Variants in FOXP2 observed in about 807,000 individuals in gnomAD.
FOXP2 encodes forkhead box P2, also known as forkhead box protein P2.
A neutral mutation model predicts 115.8 loss-of-function variants in FOXP2; 12 were observed. The ratio of observed to expected loss-of-function variants is 0.10; its 90% CI spans 0.07 to 0.17. The LOEUF (loss-of-function observed/expected upper bound fraction) is 0.17, where lower values mean the gene tolerates loss of function less well. Among genes scored for constraint, FOXP2 ranks in the 10% least tolerant of loss-of-function variants. The pLI, the probability that FOXP2 is intolerant of heterozygous loss-of-function variation, is 1.00. For missense variants in FOXP2, 629 were observed against 843.5 expected (o/e 0.75, Z 3.15); for synonymous variants, 328 against 297.7 (o/e 1.10, Z -1.05).
At chr7:114,475,470 T>C (rs1796215411) in intron 2 of FOXP2, among the ~76,000 whole-genome samples, 1 of 152,044 alleles carries the variant, frequency 6.6e-6, no homozygotes, top group Non-Finnish European at 1.5e-5. Flanking sequence ...ATATATGTTA[T>C]ATGGGGCCCC....
chr7:114,663,560 G>A (rs1317129715), intron 15 of FOXP2, 41 bp downstream of exon 15: 3 of 1,437,132 alleles, frequency 2.1e-6, no homozygotes, highest in East Asian at 2.3e-5. Context: ...GAATGTTTAG[G>A]GCTTTTTTTT....
At chr7:114,448,170 A>G (rs987057646) in intron 2 of FOXP2, among the ~76,000 whole-genome samples, 5 of 152,142 alleles carry the variant, frequency 3.3e-5, no homozygotes, top group Non-Finnish European at 7.4e-5. Context: ...TTGTTGTGGC[A>G]TGGTATAAAT....
intron 3 of FOXP2, among the ~76,000 whole-genome samples, chr7:114,554,859 A>G (rs578002755): frequency 6.6e-6 from 1 of 152,182 alleles, no homozygotes; most frequent in South Asian, 2.1e-4. Context: ...TTTTACTACT[A>G]GTTCATCCAC....
At chr7:114,296,257 A>AT (rs900542987) in intron 2 of FOXP2, among the ~76,000 whole-genome samples, 13 of 151,618 alleles carry the variant, frequency 8.6e-5, no homozygotes, top group African/African-American at 2.7e-4. Flanking sequence ...TATTGTGATG[A>AT]TTTTTTTTTC....
intron 1 of FOXP2, among the ~76,000 whole-genome samples, chr7:114,211,163 A>G (rs990889996): frequency 2.6e-5 from 4 of 152,194 alleles, no homozygotes; most frequent in Admixed American, 2.6e-4. Flanking sequence ...CCACAGAACA[A>G]CGCTGCTTGG....
chr7:114,296,896 C>G (rs1394509684), intron 2 of FOXP2, among the ~76,000 whole-genome samples: 1 of 152,162 alleles, frequency 6.6e-6, no homozygotes, highest in Non-Finnish European at 1.5e-5. Flanking sequence ...TAATCTTTCT[C>G]TTATAATTTA....
intron 2 of FOXP2, among the ~76,000 whole-genome samples, chr7:114,507,170 A>T (rs1797864591): frequency 6.6e-6 from 1 of 151,656 alleles, no homozygotes; most frequent in African/African-American, 2.4e-5. Flanking sequence ...CCCCAAATAA[A>T]CCAAAAACAA....
At chr7:114,461,186 G>A (rs767115799) in intron 2 of FOXP2, among the ~76,000 whole-genome samples, 1 of 152,098 alleles carries the variant, frequency 6.6e-6, no homozygotes, top group African/African-American at 2.4e-5. Context: ...GATTTCATTA[G>A]CTTAAACTCA....
intron 3 of FOXP2, among the ~76,000 whole-genome samples, chr7:114,537,872 T>C (rs969846215): frequency 6.6e-6 from 1 of 151,680 alleles, no homozygotes; most frequent in Non-Finnish European, 1.5e-5. Flanking sequence ...TATATAAAGA[T>C]TGTGATGCAA....
intron 3 of FOXP2, among the ~76,000 whole-genome samples, chr7:114,592,693 T>C (rs1348913009): frequency 6.6e-6 from 1 of 152,072 alleles, no homozygotes; most frequent in Non-Finnish European, 1.5e-5. Flanking sequence ...TAAGGATATA[T>C]TGTTTTAGAA....
intron 3 of FOXP2, among the ~76,000 whole-genome samples, chr7:114,603,699 T>C (rs1452049235): frequency 6.6e-6 from 1 of 152,224 alleles, no homozygotes; most frequent in African/African-American, 2.4e-5. Context: ...GTGGCTAGCA[T>C]ATTTTATAAT....
chr7:114,412,581 G>GA (rs1793191113), upstream of FOXP2, among the ~76,000 whole-genome samples: 1 of 152,108 alleles, frequency 6.6e-6, no homozygotes, highest in Non-Finnish European at 1.5e-5. Flanking sequence ...TGTGCTTAGT[G>GA]AAGCTTGCTA....
intron 2 of FOXP2, among the ~76,000 whole-genome samples, chr7:114,402,007 AGCTACTTGG>A (rs1372936121): frequency 6.6e-6 from 1 of 152,168 alleles, no homozygotes; most frequent in Admixed American, 6.5e-5. Context: ...CTGCAATCCC[AGCTACTTGG>A]GAGACTGAGG....
intron 16 of FOXP2, chr7:114,667,111 T>C (rs942196463): frequency 7.2e-5 from 11 of 152,110 alleles, no homozygotes; most frequent in African/African-American, 2.4e-4. Flanking sequence ...ATTCATAAAG[T>C]AAGCAGATCC....
upstream of FOXP2, among the ~76,000 whole-genome samples, chr7:114,410,995 C>A (rs1320402670): frequency 1.3e-5 from 2 of 151,836 alleles, no homozygotes; most frequent in Non-Finnish European, 2.9e-5. Context: ...GAGTATCTAA[C>A]ATAAAACATT....
chr7:114,584,203 AT>A (rs1258805678), intron 3 of FOXP2, among the ~76,000 whole-genome samples: 1 of 152,014 alleles, frequency 6.6e-6, no homozygotes, highest in Admixed American at 6.6e-5. Context: ...CATCTATGGC[AT>A]TTTTCTGATT....
chr7:114,385,821 A>G (rs1049766810), intron 2 of FOXP2, among the ~76,000 whole-genome samples: 17 of 151,952 alleles, frequency 1.1e-4, no homozygotes, highest in African/African-American at 2.9e-4. Flanking sequence ...GATGGTGGCG[A>G]GCCACTTCCA....
At chr7:114,405,311 T>G (rs1030328248) in intron 2 of FOXP2, among the ~76,000 whole-genome samples, 2 of 151,924 alleles carry the variant, frequency 1.3e-5, no homozygotes, top group Non-Finnish European at 2.9e-5. Context: ...GAAAATTCAC[T>G]TAAACGATTT....
At chr7:114,144,476 C>A (rs1263851451) in intron 1 of FOXP2, among the ~76,000 whole-genome samples, 2 of 151,990 alleles carry the variant, frequency 1.3e-5, no homozygotes, top group Admixed American at 6.6e-5. Context: ...TAAATATGAG[C>A]ATCATCTTCA....
Sources: allele counts gnomAD v4.1 joint callset (sites outside exome capture counted in the v4.1 genomes callset), GRCh38; gene constraint gnomAD v4.1.1; transcripts MANE v1.5; gene names NCBI Gene and HGNC (gene_info 2026-07-23, HGNC 2026-07-21).